ZFC3H1: variants seen among roughly 807,000 people sequenced by gnomAD.
The protein encoded by ZFC3H1 is zinc finger C3H1-type containing, also known as zinc finger C3H1 domain-containing protein.
ZFC3H1 carries 71 observed loss-of-function variants against 243.7 expected under a neutral mutation model. The observed-to-expected ratio is 0.29, with a 90% CI of 0.24 to 0.36. The LOEUF (loss-of-function observed/expected upper bound fraction) is 0.36, where lower values mean the gene tolerates loss of function less well. Ranked by LOEUF, ZFC3H1 falls within the 10% of genes least tolerant of loss-of-function variation. The pLI is 1.00. For missense variants in ZFC3H1, 1,966 were observed against 2,317.1 expected (o/e 0.85, Z 3.11); for synonymous variants, 838 against 813.0 (o/e 1.03, Z -0.52).
In ZFC3H1 at chr12:71,630,615, T is replaced by C; in HGVS notation, c.3709A>G (p.Ile1237Val). Reference sequence around the variant, plus strand: ...CTTTAAAAACCTGCTGAAGCAGTAATTTCTTCATTAGTACTTGTCTCTGCA... The same window carrying C: ...CTTTAAAAACCTGCTGAAGCAGTAACTTCTTCATTAGTACTTGTCTCTGCA... Reference protein sequence around the residue: ...GCAETSTNEEITASAEKYVEK... With the variant: ...GCAETSTNEEVTASAEKYVEK... The change falls in exon 18 of 35, where the codon ATT becomes GTT. Residue 1237 changes from isoleucine (I) to valine (V), a missense_variant. Transcript: ENST00000378743. 6.2e-7 allele frequency: 1 copy of C among 1,605,244 alleles called. No homozygotes were observed. The highest frequency in any genetic ancestry group is 1.3e-5 in the African/African-American group (1 of 74,510).
chr12:71,640,812 G>GC (rs1355246847), intron 6 of ZFC3H1, among the ~76,000 whole-genome samples: 2 of 151,578 alleles, frequency 1.3e-5, no homozygotes, highest in African/African-American at 4.8e-5. Flanking sequence ...TTTCTGAACT[G>GC]CCTGAAACCT....
At chr12:71,618,196 C>T (rs975346316) in intron 27 of ZFC3H1, among the ~76,000 whole-genome samples, 1 of 151,506 alleles carries the variant, frequency 6.6e-6, no homozygotes, top group East Asian at 1.9e-4. Context: ...ACCTGGGAGA[C>T]GGAGGTTGCA....
chr12:71,623,569 A>G lies in ZFC3H1; in HGVS notation c.4535T>C (p.Ile1512Thr), dbSNP rs367800743. 1.9e-6 allele frequency: 3 copies of G among 1,611,098 alleles called. No homozygotes were observed. Among genetic ancestry groups the G allele is most frequent in the African/African-American group, 1.3e-5 (1 of 74,926 alleles). Residue 1512 changes from isoleucine (I) to threonine (T), a missense_variant, in exon 24 of 35, where the codon ATA becomes ACA. Ile to Thr is a moderately conservative substitution (Grantham distance 89, BLOSUM62 -1). Around this residue, in one of 4 missense-constraint regions of ZFC3H1, gnomAD observed 1,383 missense variants for 1,723.7 expected, o/e 0.80. Coordinates refer to ENST00000378743, the MANE Select transcript of ZFC3H1 (RefSeq NM_144982.5). ...ACTGGTTTTAAGGTATTCAGCTACT[A>G]TTCCATCATTAGCAGATTTCAATGC... ...QNALKSANDG[I>T]VAEYLKTSDR...
chr12:71,660,560 A>C (rs1192964857), intron 1 of ZFC3H1: 2 of 152,120 alleles, frequency 1.3e-5, no homozygotes, highest in Non-Finnish European at 2.9e-5. Flanking sequence ...ACTAATAAAA[A>C]CATGCAAGCT....
intron 1 of ZFC3H1, among the ~76,000 whole-genome samples, chr12:71,658,282 A>ATTTTTTTTTTTTTTTTTTTTTTTTTTT (rs11454442): frequency 1.1e-5 from 1 of 92,800 alleles, no homozygotes; most frequent in African/African-American, 4.4e-5. Context: ...TCATTTATAG[A>ATTTTTTTTTTTTTTTTTTTTTTTTTTT]TTTTTTTTTT....
chr12:71,619,080 T>G (rs1879961931), intron 27 of ZFC3H1, among the ~76,000 whole-genome samples: 1 of 151,552 alleles, frequency 6.6e-6, no homozygotes, highest in African/African-American at 2.4e-5. Context: ...GTTACTATGG[T>G]GTTAGTATAT....
chr12:71,626,368 A>G lies in ZFC3H1; in HGVS notation c.4209T>C (p.Ile1403=). The G allele has an allele frequency of 6.2e-7, 1 of 1,613,960 alleles. No individual in the cohort carries two copies. Among genetic ancestry groups the G allele is most frequent in the South Asian group, 1.1e-5 (1 of 91,080 alleles). The part of the protein sequence containing the change: ...ALENNKDNPE[I]WCHYLRLFSK... ...AGAACAATCTGAGGTAATGGCACCA[A>G]ATTTCTGGATTGTCTTTGTTATTTT... Residue 1403 remains isoleucine (I), a synonymous_variant, in exon 22 of 35, where the codon ATT becomes ATC. Transcript: ENST00000378743.
At position 71,659,784 on chromosome 12, in the gene ZFC3H1, C is replaced by T. The variant is rs550718447; in HGVS notation, c.599-2483G>A. ...AAGCTTGTCAAGATACAATTTCTAA[C>T]TGAACCTTGGTTTAAACAAAAAGAA... On this transcript the variant is annotated intron_variant, in intron 1 of 34. Coordinates refer to ENST00000378743, the MANE Select transcript of ZFC3H1 (RefSeq NM_144982.5). Among the ~76,000 whole-genome samples, 24 of 152,278 alleles carry T rather than the reference C, an allele frequency of 1.6e-4. 1 individual carries two copies. In the South Asian group the frequency reaches 5.0e-3, roughly 32 times the overall value.
At position 71,615,249 on chromosome 12, in the gene ZFC3H1, C is replaced by CTAT; in HGVS notation, c.5211_5212insATA (p.Asp1737_Asp1738insIle). The CTAT allele has an allele frequency of 6.2e-7, 1 of 1,613,574 alleles. No individual in the cohort carries two copies. The highest frequency in any genetic ancestry group is 1.7e-4 in the Middle Eastern group (1 of 6,050). ...TAAGGAACTTGGTGGTTAAACATAT[C>CTAT]ATCATCAAAATTCCCTTTACATAAA... On this transcript the variant is annotated inframe_insertion, in exon 28 of 35. Transcript: ENST00000378743.
chr12:71,659,143 G>A (rs1431075756), intron 1 of ZFC3H1, among the ~76,000 whole-genome samples: 1 of 151,918 alleles, frequency 6.6e-6, no homozygotes, highest in Non-Finnish European at 1.5e-5. Flanking sequence ...TTCTCATTTT[G>A]AGCATTCTAA....
chr12:71,652,719 C>T (rs1042688660), intron 2 of ZFC3H1, among the ~76,000 whole-genome samples: 2 of 152,152 alleles, frequency 1.3e-5, no homozygotes, highest in Non-Finnish European at 2.9e-5. Context: ...CTGTGTTATA[C>T]TTCTCAAAAC....
rs754838280 is a variant in ZFC3H1 at position 71,644,886 on chromosome 12, T to C, written c.1270A>G (p.Ser424Gly). 50 of 1,611,218 alleles carry C rather than the reference T, an allele frequency of 3.1e-5. No individual in the cohort carries two copies. Among genetic ancestry groups the C allele is most frequent in the Non-Finnish European group, 4.2e-5 (50 of 1,179,772 alleles). Residue 424 changes from serine (S) to glycine (G), a missense_variant, in exon 4 of 35, where the codon AGC becomes GGC. Around this residue, in one of 4 missense-constraint regions of ZFC3H1, gnomAD observed 91 missense variants for 107.6 expected, o/e 0.85. Coordinates refer to ENST00000378743, the MANE Select transcript of ZFC3H1 (RefSeq NM_144982.5). ...STKTHSAKKV[S>G]TTAKQALRKQ... ...TAATAAAAATGATCACCTGTAGTGC[T>C]AACTTTTTTGGCCGAATGTGTTTTT...
intron 6 of ZFC3H1, among the ~76,000 whole-genome samples, chr12:71,641,355 T>C (rs1384964935): frequency 6.6e-6 from 1 of 152,208 alleles, no homozygotes; most frequent in Non-Finnish European, 1.5e-5. Context: ...ATAATACATA[T>C]TTTGTTTTGT....
chr12:71,659,477 C>T (rs1881108240), intron 1 of ZFC3H1, among the ~76,000 whole-genome samples: 1 of 152,006 alleles, frequency 6.6e-6, no homozygotes, highest in African/African-American at 2.4e-5. Flanking sequence ...GAGTTTCTCA[C>T]TCTCCCTTCC....
intron 6 of ZFC3H1, among the ~76,000 whole-genome samples, chr12:71,639,016 G>A (rs1015467312): frequency 1.3e-5 from 2 of 152,124 alleles, no homozygotes; most frequent in African/African-American, 4.8e-5. Context: ...CTAGGAATGA[G>A]AAGAATTACT....
At chr12:71,611,232 C>G (rs1879761173) in intron 32 of ZFC3H1, 135 bp from the exon 33 acceptor site, 1 of 864,400 alleles carries the variant, frequency 1.2e-6, no homozygotes, top group African/African-American at 1.8e-5. Flanking sequence ...TGAAAGTTAA[C>G]AGGCTAAACT....
rs397747312 is a variant in ZFC3H1 at position 71,626,237 on chromosome 12, C to CAT, written c.4317+22_4317+23insAT. 4.4e-5 allele frequency: 71 copies of CAT among 1,609,018 alleles called. No homozygotes were observed. In the African/African-American group the frequency reaches 5.1e-4, roughly 12 times the overall value. Reference sequence around the variant, plus strand: ...ACACACACACACACACACACACACACGTACGTTATCTTTTCTACTCACAGT... The same window carrying CAT: ...ACACACACACACACACACACACACACATGTACGTTATCTTTTCTACTCACAGT... On this transcript the variant is annotated intron_variant, in intron 22 of 34. Coordinates refer to ENST00000378743, the MANE Select transcript of ZFC3H1 (RefSeq NM_144982.5).
chr12:71,629,448 T>C (rs1037125325), intron 19 of ZFC3H1, among the ~76,000 whole-genome samples, 161 bp downstream of exon 19: 2 of 151,890 alleles, frequency 1.3e-5, no homozygotes, highest in African/African-American at 4.8e-5. Context: ...ATTACAGGCG[T>C]GAGCCAGCGC....
chr12:71,611,617 A>G (rs1270925378), intron 32 of ZFC3H1, 169 bp downstream of exon 32: 2 of 179,492 alleles, frequency 1.1e-5, no homozygotes, highest in Non-Finnish European at 2.2e-5. Context: ...AACCTCAGTA[A>G]ATGCTAAAAA....
Sources: gnomAD v4.1 joint callset for allele counts (sites outside exome capture counted in the v4.1 genomes callset) on GRCh38, gnomAD v4.1.1 for gene constraint, gnomAD v4.1.1 regional missense constraint, MANE v1.5 for transcripts, NCBI Gene and HGNC (gene_info 2026-07-23, HGNC 2026-07-21) for gene names.